The following NRG3 variants were observed in gnomAD, a reference collection of about 807,000 sequenced individuals.
NRG3 encodes the protein pro-neuregulin-3, membrane-bound isoform.
In NRG3, 31 loss-of-function variants were observed where a neutral mutation model predicts 66.9. The ratio of observed to expected loss-of-function variants is 0.46; its 90% CI spans 0.35 to 0.63. The LOEUF (loss-of-function observed/expected upper bound fraction) is 0.63. NRG3 is among the 20% of genes least tolerant of loss of function. NRG3 has a pLI of 0.00. For synonymous variants in NRG3, 393 were observed against 359.4 expected (o/e 1.09, Z -1.06); for missense variants, 910 against 878.9 (o/e 1.04, Z -0.45).
chr10:82,260,144 C>A (rs924428407), intron 1 of NRG3, among the ~76,000 whole-genome samples: 2 of 152,140 alleles, frequency 1.3e-5, no homozygotes, highest in Non-Finnish European at 2.9e-5. Context: ...TAACAAAAAG[C>A]GATACATCTT....
At chr10:82,648,378 A>G (rs1056257323) in intron 2 of NRG3, among the ~76,000 whole-genome samples, 37 of 152,166 alleles carry the variant, frequency 2.4e-4, no homozygotes, top group Non-Finnish European at 4.0e-4. Context: ...CTGTTTTGGT[A>G]CCAGTACCAT....
intron 1 of NRG3, among the ~76,000 whole-genome samples, chr10:82,184,972 G>A (rs2133271481): frequency 6.6e-6 from 1 of 152,188 alleles, no homozygotes; most frequent in Admixed American, 6.5e-5. Context: ...TTAATTGACA[G>A]GGCACCTTTG....
At chr10:82,672,388 G>T (rs74475321) in intron 2 of NRG3, among the ~76,000 whole-genome samples, 1 of 152,128 alleles carries the variant, frequency 6.6e-6, no homozygotes, top group African/African-American at 2.4e-5. Context: ...GTATTGATTT[G>T]TTTGAAAATG....
chr10:82,219,919 A>C (rs1289549285), intron 1 of NRG3, among the ~76,000 whole-genome samples: 3 of 152,122 alleles, frequency 2.0e-5, no homozygotes, highest in Admixed American at 1.3e-4. Flanking sequence ...ACTTAGAAAC[A>C]CAATAAGATA....
chr10:82,753,739 G>A (rs1005249186), intron 3 of NRG3, among the ~76,000 whole-genome samples: 1 of 151,922 alleles, frequency 6.6e-6, no homozygotes, highest in Non-Finnish European at 1.5e-5. Context: ...ATGAGGTTAG[G>A]AGATTGAGAC....
intron 2 of NRG3, among the ~76,000 whole-genome samples, chr10:82,700,928 G>A (rs1462252956): frequency 6.6e-6 from 1 of 152,050 alleles, no homozygotes; most frequent in Non-Finnish European, 1.5e-5. Flanking sequence ...TTTCAAAATG[G>A]TGAGGTTTTG....
chr10:82,099,902 T>G (rs1441544941), intron 1 of NRG3, among the ~76,000 whole-genome samples: 3 of 151,920 alleles, frequency 2.0e-5, no homozygotes, highest in Non-Finnish European at 4.4e-5. Flanking sequence ...GAGGGTTGCT[T>G]GAGCCCAGGA....
intron 3 of NRG3, among the ~76,000 whole-genome samples, chr10:82,848,371 A>G (rs2063405459): frequency 6.6e-6 from 1 of 152,184 alleles, no homozygotes; most frequent in African/African-American, 2.4e-5. Flanking sequence ...TGGATTTCAG[A>G]CTTGCATGGG....
At chr10:82,082,321 C>T (rs1038092779) in intron 1 of NRG3, among the ~76,000 whole-genome samples, 3 of 152,148 alleles carry the variant, frequency 2.0e-5, no homozygotes, top group South Asian at 4.1e-4. Context: ...ATCTATTGCA[C>T]CGTAATCTCT....
chr10:82,567,791 A>G (rs2045502065), intron 2 of NRG3, among the ~76,000 whole-genome samples: 1 of 151,906 alleles, frequency 6.6e-6, no homozygotes, highest in Non-Finnish European at 1.5e-5. Flanking sequence ...TCTTTACACC[A>G]TTACAAATGA....
chr10:82,146,442 C>A (rs962702386), intron 1 of NRG3, among the ~76,000 whole-genome samples: 3 of 151,790 alleles, frequency 2.0e-5, no homozygotes, highest in African/African-American at 7.3e-5. Flanking sequence ...ACAGGAGATT[C>A]TCAGGGCTCA....
chr10:82,004,455 T>C (rs373691699), intron 1 of NRG3, among the ~76,000 whole-genome samples: 1 of 152,106 alleles, frequency 6.6e-6, no homozygotes, highest in Non-Finnish European at 1.5e-5. Flanking sequence ...TTCTCTCTTT[T>C]CTCATTTATT....
chr10:81,910,491 G>A (rs1845030967), intron 1 of NRG3, among the ~76,000 whole-genome samples: 1 of 152,100 alleles, frequency 6.6e-6, no homozygotes, highest in East Asian at 1.9e-4. Flanking sequence ...TCTATGGGAA[G>A]CCACAAAATA....
At position 82,199,657 on chromosome 10, in the gene NRG3, A is replaced by G. The variant is rs777505113; in HGVS notation, c.824-159082A>G. On this transcript the variant is annotated intron_variant, in intron 1 of 8. Coordinates refer to ENST00000372141, the MANE Select transcript of NRG3 (RefSeq NM_001010848.4). ...ATTAACTTCTGTATGGTGACACAAT[A>G]AAGATAGCTATTTGTTACTTGGTAG... Among the ~76,000 whole-genome samples, 23 of 152,300 alleles carry G rather than the reference A, an allele frequency of 1.5e-4. 1 individual carries two copies. In the Middle Eastern group the frequency reaches 0.017, roughly 113 times the overall value.
At chr10:82,329,460 GA>G (rs920289733) in intron 1 of NRG3, among the ~76,000 whole-genome samples, 40 of 126,234 alleles carry the variant, frequency 3.2e-4, no homozygotes, top group African/African-American at 1.0e-3. Context: ...TTTTTTTAAA[GA>G]AAAAAAAGAA....
intron 2 of NRG3, among the ~76,000 whole-genome samples, chr10:82,585,397 A>G (rs2046611406): frequency 6.6e-6 from 1 of 152,208 alleles, no homozygotes; most frequent in Non-Finnish European, 1.5e-5. Flanking sequence ...GTTTAGGTTC[A>G]TGAACGAGTT....
intron 1 of NRG3, among the ~76,000 whole-genome samples, chr10:82,042,969 A>G (rs1276239067): frequency 1.3e-5 from 2 of 152,056 alleles, no homozygotes; most frequent in African/African-American, 2.4e-5. Context: ...CTAAGAGGAC[A>G]TGAAATTTTG....
intron 2 of NRG3, among the ~76,000 whole-genome samples, chr10:82,496,519 G>T (rs925992912): frequency 6.6e-6 from 1 of 151,988 alleles, no homozygotes; most frequent in Non-Finnish European, 1.5e-5. Flanking sequence ...TGACATGATT[G>T]TTTATTTCTC....
At chr10:82,799,525 T>TTA (rs2060943591) in intron 3 of NRG3, among the ~76,000 whole-genome samples, 1 of 47,642 alleles carries the variant, frequency 2.1e-5, no homozygotes, top group South Asian at 5.7e-4. Flanking sequence ...AAATTCCGTC[T>TTA]CAAAAAAAAA....
Sources: allele counts gnomAD v4.1 joint callset (sites outside exome capture counted in the v4.1 genomes callset), GRCh38; gene constraint gnomAD v4.1.1; transcripts MANE v1.5; gene names NCBI Gene and HGNC (gene_info 2026-07-23, HGNC 2026-07-21).